The following AGO1 variants were observed in gnomAD, a reference collection of about 807,000 sequenced individuals.
AGO1 encodes protein argonaute-1.
In AGO1, 11 loss-of-function variants were observed where a neutral mutation model predicts 109.2. The ratio of observed to expected loss-of-function variants is 0.10; its 90% CI spans 0.06 to 0.17. AGO1 has a LOEUF of 0.17. Among genes scored for constraint, AGO1 ranks in the 10% least tolerant of loss-of-function variants. The probability of loss-of-function intolerance (pLI) is 1.00; values close to 1 mark genes in which losing one functional copy is unlikely to be tolerated. For missense variants in AGO1, 574 were observed against 1,140.3 expected, an observed-to-expected ratio of 0.50 and a Z score of 7.15; for synonymous variants, 422 against 418.6, an observed-to-expected ratio of 1.01 and a Z score of -0.10.
chr1:35,911,744 T>C (rs745873376), intron 12 of AGO1, among the ~76,000 whole-genome samples: 1 of 152,186 alleles, frequency 6.6e-6, no homozygotes, highest in Non-Finnish European at 1.5e-5. Context: ...GTACCTTAAA[T>C]CACCACAACA....
At chr1:35,882,427 C>T (rs901027485), upstream of AGO1, among the ~76,000 whole-genome samples, 5 of 152,156 alleles carry the variant, frequency 3.3e-5, no homozygotes, top group Non-Finnish European at 1.5e-5. This position sits in a 1 kb window ranked among gnomAD's most constrained non-coding sequence, Gnocchi z 5.1. Flanking sequence ...CAGAAGATGC[C>T]GCAGCCAAGT....
intron 8 of AGO1, among the ~76,000 whole-genome samples, chr1:35,896,973 TTATG>T (rs2148713095): frequency 6.6e-6 from 1 of 152,320 alleles, no homozygotes; most frequent in South Asian, 2.1e-4. Context: ...GGGGTATAAT[TTATG>T]TTATGACTTA....
Position 35,883,347 on chromosome 1 carries a change from A to T in AGO1, c.-75A>T. On this transcript the variant is annotated 5_prime_UTR_variant, in exon 1 of 19. Coordinates refer to ENST00000373204, the MANE Select transcript of AGO1 (RefSeq NM_012199.5). The surrounding 1 kb of genome is among the most constrained non-coding windows in gnomAD (Gnocchi z 5.4). ...CCGGCCCGGGATCCCGAGCAGCGAGAGTGTGGGGTACCTAGGCCCCTCACG... is the reference window on the plus strand; with the variant it reads ...CCGGCCCGGGATCCCGAGCAGCGAGTGTGTGGGGTACCTAGGCCCCTCACG... The T allele has an allele frequency of 6.4e-7, 1 of 1,556,220 alleles. No individual in the cohort carries two copies. The highest frequency in any genetic ancestry group is 1.2e-5 in the South Asian group (1 of 84,838).
intron 11 of AGO1, among the ~76,000 whole-genome samples, chr1:35,902,680 C>A (rs544762519): frequency 1.3e-5 from 2 of 152,248 alleles, no homozygotes; most frequent in East Asian, 3.9e-4. Context: ...AATTTATATT[C>A]TCTTATTTCA....
At chr1:35,896,966 G>T (rs780912937) in intron 8 of AGO1, among the ~76,000 whole-genome samples, 4 of 152,262 alleles carry the variant, frequency 2.6e-5, no homozygotes, top group South Asian at 2.1e-4. Flanking sequence ...TTTCCAAGGG[G>T]TATAATTTAT....
rs376734554 is a variant in AGO1 at position 35,893,051 on chromosome 1, G to T, written c.331-46G>T. 2 of 1,563,586 alleles carry T rather than the reference G, an allele frequency of 1.3e-6. No homozygotes were observed. The highest frequency in any genetic ancestry group is 1.7e-6 in the Non-Finnish European group (2 of 1,143,746). On this transcript the variant is annotated intron_variant, in intron 3 of 18. Coordinates refer to ENST00000373204, the MANE Select transcript of AGO1 (RefSeq NM_012199.5). This position sits in a 1 kb window ranked among gnomAD's most constrained non-coding sequence, Gnocchi z 5.6. Reference sequence around the variant, plus strand: ...ATCCATGGAGTTGGGGGTCATTCTCGCAGAGCAATGGCAATCCTTCATCCC... The same window carrying T: ...ATCCATGGAGTTGGGGGTCATTCTCTCAGAGCAATGGCAATCCTTCATCCC...
In AGO1 at chr1:35,919,584, C is replaced by G. The variant is rs371427797; in HGVS notation, c.2551C>G (p.Leu851Val). Residue 851 changes from leucine (L) to valine (V), a missense_variant, in exon 19 of 19, where the codon CTG (leucine) becomes GTG (valine). Leu to Val is a conservative substitution (Grantham distance 32). Coordinates refer to ENST00000373204, the MANE Select transcript of AGO1 (RefSeq NM_012199.5). This position sits in a 1 kb window ranked among gnomAD's most constrained non-coding sequence, Gnocchi z 6.6. ...AGCCGTGCAGGTTCACCAGGATACT[C>G]TGCGCACCATGTACTTCGCTTGAAG... The part of the protein sequence containing the change: ...AKAVQVHQDT[L>V]RTMYFA 7 of 1,613,986 alleles carry G rather than the reference C, an allele frequency of 4.3e-6. No homozygotes were observed. The highest frequency in any genetic ancestry group is 5.9e-6 in the Non-Finnish European group (7 of 1,179,980).
Position 35,919,454 on chromosome 1 carries a change from C to T in AGO1, c.2466-45C>T, listed in dbSNP as rs1455345812. 1 of 1,559,542 alleles carries T rather than the reference C, an allele frequency of 6.4e-7. No individual in the cohort carries two copies. Among genetic ancestry groups the T allele is most frequent in the Admixed American group, 1.8e-5 (1 of 54,056 alleles). On this transcript the variant is annotated intron_variant, in intron 18 of 18. Coordinates refer to ENST00000373204, the MANE Select transcript of AGO1 (RefSeq NM_012199.5). This position sits in a 1 kb window ranked among gnomAD's most constrained non-coding sequence, Gnocchi z 6.6. ...GGCTGGGCGAGGGAATTAGCAGCAG[C>T]TCTCAGTTCACCAGGAAGGACTTCT...
intron 11 of AGO1, among the ~76,000 whole-genome samples, chr1:35,903,791 C>T (rs973593038): frequency 6.6e-6 from 1 of 150,958 alleles, no homozygotes; most frequent in Non-Finnish European, 1.5e-5. Flanking sequence ...GGTGAAACTC[C>T]GTCTCTACTA....
intron 8 of AGO1, among the ~76,000 whole-genome samples, chr1:35,897,897 C>T (rs1348493424): frequency 6.6e-6 from 1 of 152,158 alleles, no homozygotes; most frequent in African/African-American, 2.4e-5. Flanking sequence ...TATTCATTAG[C>T]AGTTATGCAC....
chr1:35,914,036 G>T (rs752465657), intron 13 of AGO1, 35 bp downstream of exon 13: 2 of 1,612,444 alleles, frequency 1.2e-6, no homozygotes, highest in African/African-American at 1.3e-5. Flanking sequence ...CCTTGTCAAG[G>T]TACCATGCTG....
chr1:35,905,619 A>T (rs899834112), intron 11 of AGO1, among the ~76,000 whole-genome samples: 8 of 151,956 alleles, frequency 5.3e-5, no homozygotes, highest in African/African-American at 1.7e-4. Context: ...GGCACTCACC[A>T]CCATGCCCGG....
chr1:35,914,327 C>A, intron 14 of AGO1, 53 bp downstream of exon 14: 1 of 1,441,732 alleles, frequency 6.9e-7, no homozygotes, highest in South Asian at 1.1e-5. Flanking sequence ...GCTCTGAGTC[C>A]TCAAAACTGC....
At chr1:35,908,906 C>A (rs929165857) in intron 12 of AGO1, among the ~76,000 whole-genome samples, 1 of 151,456 alleles carries the variant, frequency 6.6e-6, no homozygotes, top group Non-Finnish European at 1.5e-5. Context: ...GCAACCTCCA[C>A]CTCCCAGGTT....
In AGO1 at chr1:35,921,280, G is replaced by C. The variant is rs1645826919; in HGVS notation, c.*1673G>C. The stretch of plus-strand genomic sequence containing the variant: ...ACTAGGGCATGTGGGTGGGTGGCAT[G>C]GACTTTTTTTTTTTTTTTTTTTTGT... On this transcript the variant is annotated 3_prime_UTR_variant, in exon 19 of 19. Coordinates refer to ENST00000373204, the MANE Select transcript of AGO1 (RefSeq NM_012199.5). 1 of 149,244 alleles carries C rather than the reference G, an allele frequency of 6.7e-6. No individual in the cohort carries two copies. Among genetic ancestry groups the C allele is most frequent in the African/African-American group, 2.5e-5 (1 of 40,462 alleles). 9.2% of individuals were successfully genotyped at this position (149,244 alleles called of 1,614,324 possible).
Position 35,883,334 on chromosome 1 carries a change from C to T in AGO1, c.-88C>T. The T allele has an allele frequency of 6.5e-7, 1 of 1,536,574 alleles. No individual in the cohort carries two copies. The highest frequency in any genetic ancestry group is 8.7e-7 in the Non-Finnish European group (1 of 1,148,588). ...AGGGGAGCCGAGCCCGGCCCGGGAT[C>T]CCGAGCAGCGAGAGTGTGGGGTACC... On this transcript the variant is annotated 5_prime_UTR_variant, in exon 1 of 19. Transcript: ENST00000373204. This position sits in a 1 kb window ranked among gnomAD's most constrained non-coding sequence, Gnocchi z 5.4.
At chr1:35,915,974 T>C (rs892398355) in intron 15 of AGO1, among the ~76,000 whole-genome samples, 4 of 152,136 alleles carry the variant, frequency 2.6e-5, no homozygotes, top group Non-Finnish European at 5.9e-5. Context: ...TGAGGACTAA[T>C]GCTGTTGACC....
In AGO1 at chr1:35,919,093, T is replaced by C. The variant is rs762926752; in HGVS notation, c.2304T>C (p.Asp768=). Residue 768 remains aspartate, a synonymous_variant, in exon 18 of 19, where the codon GAT becomes GAC. Coordinates refer to ENST00000373204, the MANE Select transcript of AGO1 (RefSeq NM_012199.5). This position sits in a 1 kb window ranked among gnomAD's most constrained non-coding sequence, Gnocchi z 6.6. ...CATCCCATTACTATGTTCTTTGGGA[T>C]GACAACCGTTTCACAGCAGATGAGC... ...SRPSHYYVLW[D]DNRFTADELQ... The C allele has an allele frequency of 5.6e-6, 9 of 1,614,090 alleles. No individual in the cohort carries two copies. Among genetic ancestry groups the C allele is most frequent in the Non-Finnish European group, 7.6e-6 (9 of 1,180,046 alleles).
At chr1:35,899,102 T>C (rs1231786008) in intron 8 of AGO1, among the ~76,000 whole-genome samples, 1 of 152,228 alleles carries the variant, frequency 6.6e-6, no homozygotes, top group East Asian at 1.9e-4. Flanking sequence ...TCTTTATGAA[T>C]TTGACCACTG....
Sources: gnomAD v4.1 joint callset for allele counts (sites outside exome capture counted in the v4.1 genomes callset) on GRCh38, gnomAD v4.1.1 for gene constraint, Gnocchi (gnomAD v3.1) non-coding constraint, MANE v1.5 for transcripts, NCBI Gene and HGNC (gene_info 2026-07-23, HGNC 2026-07-21) for gene names.